The following DTNB variants were observed in gnomAD, a reference collection of about 807,000 sequenced individuals.
The protein encoded by DTNB is DTN-B.
A neutral mutation model predicts 90.7 loss-of-function variants in DTNB; 63 were observed. The ratio of observed to expected loss-of-function variants is 0.69; its 90% CI spans 0.57 to 0.86. DTNB has a LOEUF of 0.86. Ranked by LOEUF, DTNB falls within the 40% of genes least tolerant of loss-of-function variation. The probability of loss-of-function intolerance (pLI) is 0.00; values close to 1 mark genes in which losing one functional copy is unlikely to be tolerated. For missense variants in DTNB, 744 were observed against 807.1 expected (o/e 0.92, Z 0.95); for synonymous variants, 277 against 286.7 (o/e 0.97, Z 0.34).
chr2:25,586,502 T>C (rs938045635), intron 6 of DTNB, among the ~76,000 whole-genome samples: 4 of 145,224 alleles, frequency 2.8e-5, no homozygotes, highest in South Asian at 2.2e-4. Flanking sequence ...AGAGCATGAC[T>C]CTGTCTCCAA....
Position 25,590,800 on chromosome 2 carries a change from C to T in DTNB, c.603+5286G>A, listed in dbSNP as rs149027780. Among the ~76,000 whole-genome samples the T allele has an allele frequency of 5.7e-3, 866 of 152,272 alleles. 10 individuals carry two copies. The highest frequency in any genetic ancestry group is 0.02 in the African/African-American group (819 of 41,542). ...ACTCCAGTCCATGGGACTAGCAGCC[C>T]GACCCCCAGGCTTCAGGCCCTCCCT... On this transcript the variant is annotated intron_variant, in intron 6 of 20. Transcript: ENST00000406818.
At chr2:25,623,230 A>G (rs1228619428) in intron 4 of DTNB, among the ~76,000 whole-genome samples, 1 of 152,220 alleles carries the variant, frequency 6.6e-6, no homozygotes, top group East Asian at 1.9e-4. Context: ...AATCTCCTTG[A>G]ATATAAATTG....
chr2:25,473,190 A>C (rs1329551957), intron 10 of DTNB, among the ~76,000 whole-genome samples: 1 of 152,224 alleles, frequency 6.6e-6, no homozygotes, highest in Non-Finnish European at 1.5e-5. Context: ...CACAGCACTG[A>C]TTTGCTTTAA....
chr2:25,638,752 T>C (rs2077603431), intron 3 of DTNB, among the ~76,000 whole-genome samples: 1 of 152,192 alleles, frequency 6.6e-6, no homozygotes, highest in African/African-American at 2.4e-5. Context: ...TTAATAAAAG[T>C]GACAGAGAAA....
intron 6 of DTNB, among the ~76,000 whole-genome samples, chr2:25,589,570 G>T (rs770377370): frequency 1.3e-5 from 2 of 151,530 alleles, no homozygotes; most frequent in South Asian, 2.1e-4. Context: ...TAGTAGAGAC[G>T]AGGTTTCACC....
intron 12 of DTNB, among the ~76,000 whole-genome samples, chr2:25,436,380 T>C (rs1452221344): frequency 1.3e-5 from 2 of 151,752 alleles, no homozygotes; most frequent in South Asian, 2.1e-4. Context: ...TGAACATGAG[T>C]AGGTGGTGGC....
Position 25,601,079 on chromosome 2 carries a change from A to C in DTNB, c.449-4839T>G, listed in dbSNP as rs567910056. Reference sequence around the variant, plus strand: ...TTTATCTCTAAGAAAAACAATTTAAAAATGATTGCTAATTCTTAAATCTTA... The same window carrying C: ...TTTATCTCTAAGAAAAACAATTTAACAATGATTGCTAATTCTTAAATCTTA... On this transcript the variant is annotated intron_variant, in intron 5 of 20. Coordinates refer to ENST00000406818, the MANE Select transcript of DTNB (RefSeq NM_021907.5). Among the ~76,000 whole-genome samples, 4 of 152,362 alleles carry C rather than the reference A, an allele frequency of 2.6e-5. 1 individual carries two copies. The South Asian group carries it at 8.3e-4, about 32-fold the overall frequency.
intron 8 of DTNB, among the ~76,000 whole-genome samples, chr2:25,536,347 G>A (rs1258677130): frequency 1.3e-5 from 2 of 152,226 alleles, no homozygotes; most frequent in African/African-American, 2.4e-5. Flanking sequence ...GGAGGCCAAG[G>A]CAGGCAGCTG....
At chr2:25,654,984 T>A (rs1359235813) in intron 1 of DTNB, among the ~76,000 whole-genome samples, 1 of 152,214 alleles carries the variant, frequency 6.6e-6, no homozygotes, top group Non-Finnish European at 1.5e-5. Flanking sequence ...AAAAGTCTGT[T>A]ACTCAACAGG....
At chr2:25,543,332 G>T (rs1315358746) in intron 8 of DTNB, among the ~76,000 whole-genome samples, 1 of 150,786 alleles carries the variant, frequency 6.6e-6, no homozygotes, top group Admixed American at 6.6e-5. Flanking sequence ...TTGAGACACA[G>T]TCTTGCTCTG....
intron 10 of DTNB, 86 bp downstream of exon 10, chr2:25,482,710 T>C: frequency 2.9e-6 from 4 of 1,382,108 alleles, no homozygotes; most frequent in Admixed American, 3.4e-5. Context: ...TGGAACAACC[T>C]GCTTTTCAGG....
intron 2 of DTNB, among the ~76,000 whole-genome samples, chr2:25,648,227 AT>A (rs2079958663): frequency 6.6e-6 from 1 of 152,154 alleles, no homozygotes; most frequent in South Asian, 2.1e-4. Context: ...TAAACTACCC[AT>A]TTATTTCTAT....
At chr2:25,383,644 G>C in intron 19 of DTNB, 192 bp downstream of exon 19, 1 of 1,208,586 alleles carries the variant, frequency 8.3e-7, no homozygotes, top group Non-Finnish European at 1.1e-6. Flanking sequence ...GAAGCTCTTG[G>C]TGATCGACTG....
intron 10 of DTNB, among the ~76,000 whole-genome samples, chr2:25,481,084 G>A (rs1462986135): frequency 2.6e-4 from 39 of 152,024 alleles, no homozygotes; most frequent in African/African-American, 9.4e-4. Flanking sequence ...TATTATTTTT[G>A]TCCCCATTTT....
chr2:25,492,919 T>C (rs1283452983), intron 9 of DTNB, among the ~76,000 whole-genome samples: 1 of 152,160 alleles, frequency 6.6e-6, no homozygotes. Context: ...GGGGCACCTG[T>C]CAGAGCTGTC....
intron 2 of DTNB, among the ~76,000 whole-genome samples, chr2:25,649,337 C>T (rs1451734291): frequency 6.6e-6 from 1 of 152,126 alleles, no homozygotes; most frequent in Non-Finnish European, 1.5e-5. Context: ...ACCTCTGCGG[C>T]CCTAACCAGT....
intron 8 of DTNB, among the ~76,000 whole-genome samples, chr2:25,547,818 G>A (rs1184933537): frequency 6.6e-6 from 1 of 152,112 alleles, no homozygotes; most frequent in Admixed American, 6.6e-5. Flanking sequence ...GTAGATCTTT[G>A]ATTCTCATTC....
intron 16 of DTNB, among the ~76,000 whole-genome samples, chr2:25,416,740 G>C (rs542564415): frequency 2.6e-5 from 4 of 151,210 alleles, no homozygotes; most frequent in Admixed American, 6.6e-5. Flanking sequence ...TTTAGGGTAA[G>C]ACATTTTGAT....
At chr2:25,385,414 T>C (rs536481834) in intron 18 of DTNB, among the ~76,000 whole-genome samples, 15 of 152,320 alleles carry the variant, frequency 9.8e-5, no homozygotes, top group Admixed American at 4.6e-4. Context: ...CCCTCACATG[T>C]AAAGGGAGTT....
Sources: allele counts gnomAD v4.1 joint callset (sites outside exome capture counted in the v4.1 genomes callset), GRCh38; gene constraint gnomAD v4.1.1; transcripts MANE v1.5; gene names NCBI Gene and HGNC (gene_info 2026-07-23, HGNC 2026-07-21).